ZFHX2: variants seen among roughly 807,000 people sequenced by gnomAD.
The protein encoded by ZFHX2 is zinc finger homeobox protein 2.
Under a neutral mutation model 164.8 loss-of-function variants are expected in ZFHX2, and 75 were observed. That is an observed-to-expected ratio of 0.46 (90% CI 0.38 to 0.55). The LOEUF (loss-of-function observed/expected upper bound fraction) is 0.55. Among genes scored for constraint, ZFHX2 ranks in the 20% least tolerant of loss-of-function variants. ZFHX2 has a pLI of 0.00. For missense variants in ZFHX2, 2,933 were observed against 3,308.0 expected (o/e 0.89, Z 2.78); for synonymous variants, 1,217 against 1,351.4 (o/e 0.90, Z 2.18).
chr14:23,552,821 C>T (rs1179011102), upstream of ZFHX2, among the ~76,000 whole-genome samples: 2 of 152,024 alleles, frequency 1.3e-5, no homozygotes, highest in African/African-American at 4.8e-5. Context: ...AGGCTGGTCT[C>T]GAACTCCTGA....
Position 23,521,790 on chromosome 14 carries a change from ACT to A in ZFHX2, c.*170_*171del. The A allele has an allele frequency of 8.6e-7, 1 of 1,169,486 alleles. No homozygotes were observed. Among genetic ancestry groups the A allele is most frequent in the Non-Finnish European group, 1.2e-6 (1 of 859,980 alleles). The allele number at this position is 1,169,486 out of a possible 1,614,324, so 72.4% of individuals were successfully genotyped here. On this transcript the variant is annotated 3_prime_UTR_variant, in exon 10 of 10. Coordinates refer to ENST00000419474, the MANE Select transcript of ZFHX2 (RefSeq NM_033400.3). ...TCTGTGGGGATTGGGAGGAGGCAGG[ACT>A]CTGCTGGAAGTGGGGTGTGTGGTGC...
chr14:23,535,059 G>A lies in ZFHX2; in HGVS notation c.267C>T (p.Asp89=). ...GPDCGHFPPN[D]PGVEKDKEQE... Reference sequence around the variant, plus strand: ...GCTCCTTGTCCTTTTCCACCCCTGGGTCATTTGGTGGGAAGTGACCACAGT... The same window carrying A: ...GCTCCTTGTCCTTTTCCACCCCTGGATCATTTGGTGGGAAGTGACCACAGT... Residue 89 remains aspartate (D), a synonymous_variant, in exon 2 of 10, where the codon GAC becomes GAT. Coordinates refer to ENST00000419474, the MANE Select transcript of ZFHX2 (RefSeq NM_033400.3). The surrounding 1 kb of genome is among the most constrained non-coding windows in gnomAD (Gnocchi z 4.5). The A allele has an allele frequency of 6.5e-7, 1 of 1,536,240 alleles. No individual in the cohort carries two copies.
Position 23,523,593 on chromosome 14 carries a change from G to A in ZFHX2, c.6349C>T (p.Arg2117Cys), listed in dbSNP as rs745806358. 3.9e-6 allele frequency: 6 copies of A among 1,552,322 alleles called. No homozygotes were observed. Among genetic ancestry groups the A allele is most frequent in the East Asian group, 2.3e-5 (1 of 42,660 alleles). ...AGTTTGGCCTTCTTTTCCTTGGCAC[G>A]AGCATTCTGGAACCAGACCTGGATG... ...RVIQVWFQNA[R>C]AKEKKAKLQG... The change falls in exon 9 of 10, where the codon CGT (arginine) becomes TGT (cysteine). Residue 2117 changes from arginine to cysteine, a missense_variant. Physicochemically the swap from Arg to Cys is radical, Grantham distance 180 (BLOSUM62 -3). Transcript: ENST00000419474. This position sits in a 1 kb window ranked among gnomAD's most constrained non-coding sequence, Gnocchi z 4.1.
chr14:23,551,685 CCCT>C lies in ZFHX2; in HGVS notation c.-395_-393del, dbSNP rs372231563. 512 of 152,942 alleles carry C rather than the reference CCCT, an allele frequency of 3.3e-3. No individual in the cohort carries two copies. The highest frequency in any genetic ancestry group is 0.011 in the South Asian group (60 of 5,454). 9.5% of individuals were successfully genotyped at this position (152,942 alleles called of 1,614,324 possible). On this transcript the variant is annotated 5_prime_UTR_variant, in exon 1 of 10. Coordinates refer to ENST00000419474, the MANE Select transcript of ZFHX2 (RefSeq NM_033400.3). The surrounding 1 kb of genome is among the most constrained non-coding windows in gnomAD (Gnocchi z 5.3). ...CTCCTCCTCCTCCTTCTCCTCCTCGCCCTCCTCCTCCTCCTCCTCCTCGCCCTC... is the reference window on the plus strand; with the variant it reads ...CTCCTCCTCCTCCTTCTCCTCCTCGCCCTCCTCCTCCTCCTCCTCGCCCTC...
intron 1 of ZFHX2, among the ~76,000 whole-genome samples, chr14:23,538,984 G>C (rs1880495370): frequency 6.6e-6 from 1 of 152,136 alleles, no homozygotes; most frequent in Non-Finnish European, 1.5e-5. Context: ...GCCACTGAGG[G>C]GGATGGGAGG....
Position 23,523,208 on chromosome 14 carries a change from T to C in ZFHX2, c.6734A>G (p.Asn2245Ser), listed in dbSNP as rs775606107. 91 of 1,422,152 alleles carry C rather than the reference T, an allele frequency of 6.4e-5. No homozygotes were observed. The African/African-American group carries it at 8.5e-4, about 13-fold the overall frequency. The allele number at this position is 1,422,152 out of a possible 1,614,324, so 88.1% of individuals were successfully genotyped here. Residue 2245 changes from asparagine (N) to serine (S), a missense_variant, in exon 9 of 10, where the codon AAT becomes AGT. Coordinates refer to ENST00000419474, the MANE Select transcript of ZFHX2 (RefSeq NM_033400.3). The surrounding 1 kb of genome is among the most constrained non-coding windows in gnomAD (Gnocchi z 4.1). Reference sequence around the variant, plus strand: ...CTCCCAGCCTCCCTACTCACCTGAATTGAAAGGAGCTAAGTTGCCCAGCGG... The same window carrying C: ...CTCCCAGCCTCCCTACTCACCTGAACTGAAAGGAGCTAAGTTGCCCAGCGG... ...QPPLGNLAPFNSGPAASSGLL... is the reference protein window; with the variant it reads ...QPPLGNLAPFSSGPAASSGLL...
rs1879599903 is a variant in ZFHX2, at chr14:23,531,847, T to C, written c.2560-126A>G. The C allele has an allele frequency of 3.4e-6, 4 of 1,191,040 alleles. No individual in the cohort carries two copies. The East Asian group carries it at 1.3e-4, about 38-fold the overall frequency. 73.8% of individuals were successfully genotyped at this position (1,191,040 alleles called of 1,614,324 possible). ...GGCTGGAGTGCAGTGGCATGATCTC[T>C]ACTCACTGAAGCCTCTACCTCCTGG... On this transcript the variant is annotated intron_variant, in intron 3 of 9. Coordinates refer to ENST00000419474, the MANE Select transcript of ZFHX2 (RefSeq NM_033400.3).
In ZFHX2 at chr14:23,522,915, C is replaced by T. The variant is rs1297279875; in HGVS notation, c.6766G>A (p.Gly2256Ser). Reference sequence around the variant, plus strand: ...GTAGGCAGGACCGAAGTGGCGAGGCCGAGGAGGCCTGAGGAGGCTGCCGGG... The same window carrying T: ...GTAGGCAGGACCGAAGTGGCGAGGCTGAGGAGGCCTGAGGAGGCTGCCGGG... ...SGPAASSGLL[G>S]LATSVLPTTT... The change falls in exon 10 of 10, where the codon GGC becomes AGC. Residue 2256 changes from glycine (G) to serine (S), a missense_variant. Gly to Ser is a moderately conservative substitution (Grantham distance 56, BLOSUM62 0). Transcript: ENST00000419474. The T allele has an allele frequency of 4.8e-6, 7 of 1,459,776 alleles. No individual in the cohort carries two copies. The highest frequency in any genetic ancestry group is 2.5e-5 in the East Asian group (1 of 40,218). 90.4% of individuals were successfully genotyped at this position (1,459,776 alleles called of 1,614,324 possible). A position where few individuals can be genotyped will look rare whatever the true frequency, so the allele number is the denominator to read the frequency against.
At position 23,533,194 on chromosome 14, in the gene ZFHX2, T is replaced by A; in HGVS notation, c.2041+91A>T. On this transcript the variant is annotated intron_variant, in intron 2 of 9. Coordinates refer to ENST00000419474, the MANE Select transcript of ZFHX2 (RefSeq NM_033400.3). The surrounding 1 kb of genome is among the most constrained non-coding windows in gnomAD (Gnocchi z 4.8). ...GATAGTGCTCAGAGGGACTTATGGT[T>A]ACCTAAGTGGGGAGTTGGTCCTTGG... The A allele has an allele frequency of 7.0e-7, 1 of 1,435,642 alleles. No homozygotes were observed. Among genetic ancestry groups the A allele is most frequent in the Non-Finnish European group, 9.1e-7 (1 of 1,098,678 alleles). The allele number at this position is 1,435,642 out of a possible 1,614,324, so 88.9% of individuals were successfully genotyped here.
In ZFHX2 at chr14:23,522,802, G is replaced by A; in HGVS notation, c.6879C>T (p.Thr2293=). The A allele has an allele frequency of 6.5e-7, 1 of 1,536,258 alleles. No homozygotes were observed. Among genetic ancestry groups the A allele is most frequent in the South Asian group, 1.2e-5 (1 of 84,046 alleles). Reference sequence around the variant, plus strand: ...TAGGAGGGCCTGGGACAGGGTCAGTGGTGCCTGCTGTGGAGGTGTTGGTTT... The same window carrying A: ...TAGGAGGGCCTGGGACAGGGTCAGTAGTGCCTGCTGTGGAGGTGTTGGTTT... ...PDQTNTSTAG[T]TDPVPGPPTE... Residue 2293 remains threonine, a synonymous_variant, in exon 10 of 10, where the codon ACC becomes ACT. Transcript: ENST00000419474.
Position 23,523,508 on chromosome 14 carries a change from C to G in ZFHX2, c.6434G>C (p.Arg2145Pro). ...GSSEGLLAAQRTDCPYCDVKY... is the reference protein window; with the variant it reads ...GSSEGLLAAQPTDCPYCDVKY... ...GACATCACAATAGGGGCAGTCAGTG[C>G]GCTGGGCTGCTAAGAGGCCCTCACT... is the stretch of plus-strand genomic sequence containing the variant. Residue 2145 changes from arginine to proline, a missense_variant, in exon 9 of 10, where the codon CGC (arginine) becomes CCC (proline). By Grantham distance (103) the Arg-to-Pro change is moderately radical. Coordinates refer to ENST00000419474, the MANE Select transcript of ZFHX2 (RefSeq NM_033400.3). The surrounding 1 kb of genome is among the most constrained non-coding windows in gnomAD (Gnocchi z 4.1). 1 of 1,536,388 alleles carries G rather than the reference C, an allele frequency of 6.5e-7. No individual in the cohort carries two copies. The highest frequency in any genetic ancestry group is 8.7e-7 in the Non-Finnish European group (1 of 1,146,928).
intron 1 of ZFHX2, chr14:23,544,283 G>GAAAAAA (rs369824791): frequency 1.4e-5 from 1 of 71,432 alleles, no homozygotes; most frequent in African/African-American, 4.8e-5. Flanking sequence ...ACAGAAAACA[G>GAAAAAA]AAAAAAAAAA....
At chr14:23,531,305 C>A (rs1879518158) in intron 4 of ZFHX2, 176 bp downstream of exon 4, 1 of 975,630 alleles carries the variant, frequency 1.0e-6, no homozygotes, top group Non-Finnish European at 1.3e-6. Flanking sequence ...AGGTAGCCTC[C>A]ACAGTGCCTG....
chr14:23,539,593 G>A (rs1177538566), intron 1 of ZFHX2, among the ~76,000 whole-genome samples: 1 of 152,178 alleles, frequency 6.6e-6, no homozygotes, highest in Non-Finnish European at 1.5e-5. Context: ...CCAAAAAATT[G>A]AAGTCTGAGA....
chr14:23,544,283 G>GAAAAAAA (rs369824791), intron 1 of ZFHX2: 12 of 71,378 alleles, frequency 1.7e-4, no homozygotes, highest in Admixed American at 1.7e-4. Context: ...ACAGAAAACA[G>GAAAAAAA]AAAAAAAAAA....
In ZFHX2 at chr14:23,521,692, T is replaced by G; in HGVS notation, c.*270A>C. The G allele has an allele frequency of 1.4e-5, 6 of 442,732 alleles. No individual in the cohort carries two copies. Among genetic ancestry groups the G allele is most frequent in the East Asian group, 4.1e-5 (1 of 24,474 alleles). The allele number at this position is 442,732 out of a possible 1,614,324, so 27.4% of individuals were successfully genotyped here. A position where few individuals can be genotyped will look rare whatever the true frequency, so the allele number is the denominator to read the frequency against. On this transcript the variant is annotated 3_prime_UTR_variant, in exon 10 of 10. Transcript: ENST00000419474. ...TGTATGAATAATCAGGGTGCCAAGA[T>G]GGGTGTATGTGTCTGTGAAGATGGG...
At chr14:23,541,391 G>A (rs1038382884) in intron 1 of ZFHX2, among the ~76,000 whole-genome samples, 7 of 151,218 alleles carry the variant, frequency 4.6e-5, no homozygotes, top group Non-Finnish European at 5.9e-5. Flanking sequence ...GGGTTCAAGC[G>A]ATTCTCCTGC....
In ZFHX2 at chr14:23,526,146, G is replaced by A; in HGVS notation, c.3796C>T (p.His1266Tyr). Residue 1266 changes from histidine (H) to tyrosine (Y), a missense_variant, in exon 9 of 10, where the codon CAC (histidine) becomes TAC (tyrosine). His to Tyr is a moderately conservative substitution (Grantham distance 83, BLOSUM62 2). Coordinates refer to ENST00000419474, the MANE Select transcript of ZFHX2 (RefSeq NM_033400.3). ...SYNQSSTLEI[H>Y]MRSVLHQTRS... ...GTCTGATGCAGAACTGACCGCATGT[G>A]GATCTCCAGGGTGGAGCTCTGGTTG... 1 of 1,536,468 alleles carries A rather than the reference G, an allele frequency of 6.5e-7. No individual in the cohort carries two copies. The highest frequency in any genetic ancestry group is 8.7e-7 in the Non-Finnish European group (1 of 1,146,928).
At chr14:23,528,644 C>T (rs1041741948) in intron 6 of ZFHX2, 1 of 985,432 alleles carries the variant, frequency 1.0e-6, no homozygotes, top group African/African-American at 1.7e-5. Flanking sequence ...TGCTCAGAAG[C>T]CAGCTCATCC....
Sources: gnomAD v4.1 joint callset for allele counts (sites outside exome capture counted in the v4.1 genomes callset) on GRCh38, gnomAD v4.1.1 for gene constraint, Gnocchi (gnomAD v3.1) non-coding constraint, MANE v1.5 for transcripts, NCBI Gene and HGNC (gene_info 2026-07-23, HGNC 2026-07-21) for gene names.